Variants in TRHDE observed in about 807,000 individuals in gnomAD.
TRHDE encodes thyrotropin releasing hormone degrading enzyme, also known as thyrotropin-releasing hormone-degrading ectoenzyme.
Under a neutral mutation model 125.7 loss-of-function variants are expected in TRHDE, and 72 were observed. That is an observed-to-expected ratio of 0.57 (90% CI 0.47 to 0.70). TRHDE has a LOEUF of 0.70. Among genes scored for constraint, TRHDE ranks in the 30% least tolerant of loss-of-function variants. The pLI is 0.00. For missense variants in TRHDE, 1,110 were observed against 1,327.1 expected (o/e 0.84, Z 2.54); for synonymous variants, 509 against 509.1 (o/e 1.00, Z 0.00).
intron 18 of TRHDE, among the ~76,000 whole-genome samples, chr12:72,659,677 C>G (rs1036233570): frequency 2.0e-5 from 3 of 151,968 alleles, no homozygotes; most frequent in Non-Finnish European, 4.4e-5. Flanking sequence ...AATTAACAAA[C>G]ATGCTTCAAA....
At chr12:72,465,798 T>TAGTTGCTTCAACAAAATCTA (rs1402511512) in intron 3 of TRHDE, among the ~76,000 whole-genome samples, 2 of 152,238 alleles carry the variant, frequency 1.3e-5, no homozygotes, top group Non-Finnish European at 2.9e-5. Flanking sequence ...TACTTCTCCA[T>TAGTTGCTTCAACAAAATCTA]AGTTGCTTCA....
chr12:72,312,996 A>T (rs1471922920), intron 2 of TRHDE, among the ~76,000 whole-genome samples: 1 of 151,782 alleles, frequency 6.6e-6, no homozygotes, highest in African/African-American at 2.4e-5. Flanking sequence ...CCCTCCTCTT[A>T]TGCTCTTGGT....
intron 2 of TRHDE, among the ~76,000 whole-genome samples, chr12:72,160,566 G>C (rs1876614699): frequency 6.6e-6 from 1 of 152,092 alleles, no homozygotes; most frequent in South Asian, 2.1e-4. Context: ...GAGGGCACCT[G>C]TAATCCCAGC....
At chr12:72,374,295 GTGT>G (rs747011921) in intron 2 of TRHDE, among the ~76,000 whole-genome samples, 4,077 of 63,272 alleles carry the variant, frequency 0.064, 138 homozygotes, top group Admixed American at 0.21. Flanking sequence ...AAGGAGAAGT[GTGT>G]GTGTGTGTGT....
At chr12:72,488,622 T>C (rs1303979953) in intron 5 of TRHDE, among the ~76,000 whole-genome samples, 2 of 151,970 alleles carry the variant, frequency 1.3e-5, no homozygotes, top group Non-Finnish European at 2.9e-5. Context: ...TAAGGAAATA[T>C]TGTACTTGAG....
intron 2 of TRHDE, among the ~76,000 whole-genome samples, chr12:72,368,878 G>A (rs1871451703): frequency 6.6e-6 from 1 of 152,192 alleles, no homozygotes; most frequent in Middle Eastern, 3.4e-3. Flanking sequence ...TGGCACCAGT[G>A]CTGTGTTTCC....
chr12:72,385,163 T>C (rs923313133), intron 3 of TRHDE, among the ~76,000 whole-genome samples: 2 of 152,124 alleles, frequency 1.3e-5, no homozygotes, highest in African/African-American at 4.8e-5. Flanking sequence ...GAGGGTTCTT[T>C]ATATATAGTT....
intron 6 of TRHDE, among the ~76,000 whole-genome samples, chr12:72,533,792 T>C (rs1047993456): frequency 6.6e-6 from 1 of 151,918 alleles, no homozygotes; most frequent in Non-Finnish European, 1.5e-5. Context: ...AGTATTGTTA[T>C]GCTTCAAATT....
chr12:72,295,484 G>T (rs1444797867), intron 2 of TRHDE, among the ~76,000 whole-genome samples: 1 of 152,052 alleles, frequency 6.6e-6, no homozygotes. Context: ...AAGGGATGCT[G>T]GGCAAAAAAC....
chr12:72,436,048 C>A (rs1246381526), intron 3 of TRHDE, among the ~76,000 whole-genome samples: 2 of 152,060 alleles, frequency 1.3e-5, no homozygotes, highest in African/African-American at 4.8e-5. Context: ...TTCTTAAATA[C>A]AGGGTCATGT....
intron 2 of TRHDE, among the ~76,000 whole-genome samples, chr12:72,186,841 G>T (rs1877226243): frequency 6.6e-6 from 1 of 151,848 alleles, no homozygotes; most frequent in Non-Finnish European, 1.5e-5. Flanking sequence ...TGGCGTGGGG[G>T]GTAGCACTAG....
intron 2 of TRHDE, among the ~76,000 whole-genome samples, chr12:72,139,128 G>A (rs1876055354): frequency 6.6e-6 from 1 of 152,180 alleles, no homozygotes; most frequent in African/African-American, 2.4e-5. Context: ...TGGCTCTCCA[G>A]TGAAGTTGAG....
At chr12:72,655,476 T>G (rs1165607408) in intron 17 of TRHDE, among the ~76,000 whole-genome samples, 1 of 152,118 alleles carries the variant, frequency 6.6e-6, no homozygotes, top group Non-Finnish European at 1.5e-5. Flanking sequence ...TAAAATTACT[T>G]TCTTTCCTGT....
chr12:72,250,861 TA>T (rs1233157358), intron 2 of TRHDE, among the ~76,000 whole-genome samples: 5 of 146,276 alleles, frequency 3.4e-5, no homozygotes, highest in African/African-American at 1.2e-4. Flanking sequence ...TATATATATA[TA>T]TTTTATTTTT....
At chr12:72,622,371 A>C (rs901566880) in intron 15 of TRHDE, among the ~76,000 whole-genome samples, 1 of 152,060 alleles carries the variant, frequency 6.6e-6, no homozygotes, top group Admixed American at 6.6e-5. Flanking sequence ...TAAACATAAA[A>C]ATAATCGAAG....
chr12:72,344,757 C>G (rs542904504), intron 2 of TRHDE, among the ~76,000 whole-genome samples: 1 of 152,210 alleles, frequency 6.6e-6, no homozygotes, highest in East Asian at 1.9e-4. Context: ...CACCCCTGAG[C>G]TTTGACCTGC....
intron 15 of TRHDE, among the ~76,000 whole-genome samples, chr12:72,629,578 A>G (rs1043472229): frequency 2.0e-5 from 3 of 151,738 alleles, no homozygotes; most frequent in African/African-American, 7.3e-5. Context: ...AACTAAGAAC[A>G]ACGCTTATTA....
At chr12:72,269,390 T>C (rs1421712556), upstream of TRHDE, among the ~76,000 whole-genome samples, 2 of 152,206 alleles carry the variant, frequency 1.3e-5, no homozygotes, top group African/African-American at 2.4e-5. Context: ...AATAATCTTA[T>C]GTCCACTCCA....
intron 2 of TRHDE, among the ~76,000 whole-genome samples, chr12:72,122,371 T>C (rs1335687107): frequency 1.3e-5 from 2 of 152,208 alleles, no homozygotes; most frequent in Non-Finnish European, 2.9e-5. Flanking sequence ...ATTGATTAGT[T>C]GTGACATTAA....
Sources: gnomAD v4.1 joint callset for allele counts (sites outside exome capture counted in the v4.1 genomes callset) on GRCh38, gnomAD v4.1.1 for gene constraint, MANE v1.5 for transcripts, NCBI Gene and HGNC (gene_info 2026-07-23, HGNC 2026-07-21) for gene names.